The following ANKRD55 variants were observed in gnomAD, a reference collection of about 807,000 sequenced individuals.
ANKRD55 encodes ankyrin repeat domain 55.
Under a neutral mutation model 60.6 loss-of-function variants are expected in ANKRD55, and 41 were observed. The observed-to-expected ratio is 0.68, with a 90% CI of 0.53 to 0.88. The LOEUF is 0.88. ANKRD55 is among the 40% of genes least tolerant of loss of function. ANKRD55 has a pLI of 0.00. For missense variants in ANKRD55, 732 were observed against 767.6 expected, an observed-to-expected ratio of 0.95 and a Z score of 0.55; for synonymous variants, 264 against 290.3, an observed-to-expected ratio of 0.91 and a Z score of 0.92.
chr5:56,232,189 T>G (rs1400653751), intron 2 of ANKRD55, among the ~76,000 whole-genome samples: 1 of 152,196 alleles, frequency 6.6e-6, no homozygotes, highest in Non-Finnish European at 1.5e-5. Flanking sequence ...ATAGACCACA[T>G]GGCCAAATAT....
intron 6 of ANKRD55, among the ~76,000 whole-genome samples, chr5:56,154,082 G>A (rs1177486051): frequency 1.3e-5 from 2 of 151,050 alleles, no homozygotes; most frequent in East Asian, 1.9e-4. Flanking sequence ...GCGTGGTGAC[G>A]GGTGCCTGTA....
intron 4 of ANKRD55, among the ~76,000 whole-genome samples, chr5:56,171,744 CG>C (rs1420676587): frequency 6.6e-6 from 1 of 152,122 alleles, no homozygotes; most frequent in African/African-American, 2.4e-5. Context: ...CCTACATTCG[CG>C]TCTAGGTAAA....
intron 8 of ANKRD55, 44 bp downstream of exon 8, chr5:56,126,878 G>C (rs1389271678): frequency 1.3e-6 from 2 of 1,558,334 alleles, no homozygotes; most frequent in East Asian, 4.5e-5. Context: ...TTCAGTTAGG[G>C]GGAAATGACT....
At chr5:56,209,466 C>CTTT (rs60256412) in intron 2 of ANKRD55, among the ~76,000 whole-genome samples, 1 of 132,338 alleles carries the variant, frequency 7.6e-6, no homozygotes, top group Admixed American at 7.3e-5. Context: ...ACATGTATAT[C>CTTT]TTTTTTTTTT....
intron 7 of ANKRD55, among the ~76,000 whole-genome samples, chr5:56,134,643 A>C (rs941218804): frequency 2.0e-5 from 3 of 152,214 alleles, no homozygotes; most frequent in East Asian, 1.9e-4. Context: ...TGGAAATATG[A>C]GGCTCAGATG....
At chr5:56,159,811 G>A in intron 6 of ANKRD55, 22 bp downstream of exon 6, 1 of 1,612,420 alleles carries the variant, frequency 6.2e-7, no homozygotes, top group South Asian at 1.1e-5. Flanking sequence ...ATGACCACTT[G>A]TTGCTTGAGA....
At chr5:56,153,184 T>C (rs568079194) in intron 6 of ANKRD55, among the ~76,000 whole-genome samples, 5 of 152,060 alleles carry the variant, frequency 3.3e-5, no homozygotes, top group Non-Finnish European at 7.4e-5. Flanking sequence ...TGAAATGATG[T>C]TCATCTCATT....
At chr5:56,152,888 C>G (rs1338456469) in intron 6 of ANKRD55, among the ~76,000 whole-genome samples, 2 of 151,880 alleles carry the variant, frequency 1.3e-5, no homozygotes, top group Admixed American at 6.6e-5. Flanking sequence ...GTAGAGAAGG[C>G]CTTCTTTAAA....
At chr5:56,152,404 T>C (rs1758077756) in intron 6 of ANKRD55, among the ~76,000 whole-genome samples, 2 of 152,136 alleles carry the variant, frequency 1.3e-5, no homozygotes, top group South Asian at 4.2e-4. Context: ...TACATAAGAA[T>C]GTGCATTTAA....
At chr5:56,139,287 G>A (rs533871980) in intron 7 of ANKRD55, among the ~76,000 whole-genome samples, 1 of 152,116 alleles carries the variant, frequency 6.6e-6, no homozygotes, top group Non-Finnish European at 1.5e-5. Context: ...CACCTCTTTA[G>A]GGACCTACGG....
intron 2 of ANKRD55, chr5:56,193,275 TG>T: frequency 9.2e-7 from 1 of 1,092,096 alleles, no homozygotes; most frequent in Non-Finnish European, 1.3e-6. Flanking sequence ...GACTTAGCAC[TG>T]GGGAGATGCA....
intron 2 of ANKRD55, among the ~76,000 whole-genome samples, chr5:56,190,138 T>C (rs531001950): frequency 1.3e-5 from 2 of 152,368 alleles, no homozygotes; most frequent in East Asian, 3.9e-4. Context: ...TCAAGAAATG[T>C]CTATTCAAAT....
intron 2 of ANKRD55, among the ~76,000 whole-genome samples, chr5:56,195,094 G>T (rs1020766232): frequency 1.3e-5 from 2 of 151,980 alleles, no homozygotes; most frequent in African/African-American, 4.8e-5. Flanking sequence ...TGAAAGAGTA[G>T]ATACTTAACT....
At chr5:56,121,386 T>C (rs1757048926) in intron 8 of ANKRD55, among the ~76,000 whole-genome samples, 1 of 150,814 alleles carries the variant, frequency 6.6e-6, no homozygotes, top group African/African-American at 2.4e-5. Flanking sequence ...TTTTTTTTTT[T>C]TTTTTGAGAT....
intron 6 of ANKRD55, among the ~76,000 whole-genome samples, chr5:56,159,044 A>G (rs1273845826): frequency 6.6e-6 from 1 of 150,970 alleles, no homozygotes; most frequent in Non-Finnish European, 1.5e-5. Flanking sequence ...GGGGGGTCTC[A>G]CTTTGTTGCC....
chr5:56,198,004 A>T (rs748309076), intron 2 of ANKRD55, among the ~76,000 whole-genome samples: 2 of 152,158 alleles, frequency 1.3e-5, no homozygotes, highest in African/African-American at 2.4e-5. Flanking sequence ...AGTTCATTAG[A>T]CTATTATTCT....
chr5:56,180,916 T>C (rs1044984294), intron 3 of ANKRD55, among the ~76,000 whole-genome samples: 1 of 152,218 alleles, frequency 6.6e-6, no homozygotes, highest in African/African-American at 2.4e-5. Context: ...ATGTATGCTT[T>C]TGGCCGGGCC....
intron 2 of ANKRD55, among the ~76,000 whole-genome samples, chr5:56,208,626 G>A (rs1159986943): frequency 2.0e-5 from 3 of 152,118 alleles, no homozygotes; most frequent in Non-Finnish European, 2.9e-5. Context: ...GTTTTGCCAT[G>A]TTGGCCAGTC....
chr5:56,158,247 G>T (rs1008683686), intron 6 of ANKRD55, among the ~76,000 whole-genome samples: 4 of 151,918 alleles, frequency 2.6e-5, no homozygotes, highest in South Asian at 2.1e-4. Flanking sequence ...GCTTACCCCC[G>T]CCCCCTTGCC....
Sources: allele counts gnomAD v4.1 joint callset (sites outside exome capture counted in the v4.1 genomes callset), GRCh38; gene constraint gnomAD v4.1.1; transcripts MANE v1.5; gene names NCBI Gene and HGNC (gene_info 2026-07-23, HGNC 2026-07-21).